The following CACNA1C variants were observed in gnomAD, a reference collection of about 807,000 sequenced individuals.
CACNA1C encodes the protein calcium voltage-gated channel subunit alpha1 C, also known as voltage-dependent L-type calcium channel subunit alpha-1C.
Under a neutral mutation model 229.0 loss-of-function variants are expected in CACNA1C, and 30 were observed. The observed-to-expected ratio is 0.13, with a 90% CI of 0.10 to 0.18. CACNA1C has a LOEUF of 0.18. Ranked by LOEUF, CACNA1C falls within the 10% of genes least tolerant of loss-of-function variation. The pLI, the probability that CACNA1C is intolerant of heterozygous loss-of-function variation, is 1.00. For missense variants in CACNA1C, 1,658 were observed against 2,845.0 expected, an observed-to-expected ratio of 0.58 and a Z score of 9.49; for synonymous variants, 1,114 against 1,132.5, an observed-to-expected ratio of 0.98 and a Z score of 0.33.
intron 11 of CACNA1C, among the ~76,000 whole-genome samples, chr12:2,563,588 C>T (rs928671948): frequency 6.6e-6 from 1 of 152,216 alleles, no homozygotes; most frequent in Admixed American, 6.5e-5. Flanking sequence ...AAAGAGTACC[C>T]TTCTTTGATT....
At position 2,692,288 on chromosome 12, in the gene CACNA1C, G is replaced by A. The variant is rs757262654; in HGVS notation, c.*1089G>A. On this transcript the variant is annotated 3_prime_UTR_variant, in exon 47 of 47. Transcript: ENST00000399655. ...TTGATGTGGTCTTGCACATGTGGGT[G>A]ATAGAGTTGGGTTCCTTTTTATGCT... is the stretch of plus-strand genomic sequence containing the variant. 4 of 149,070 alleles carry A rather than the reference G, an allele frequency of 2.7e-5. No individual in the cohort carries two copies. The highest frequency in any genetic ancestry group is 4.5e-5 in the Non-Finnish European group (3 of 67,172). 9.2% of individuals were successfully genotyped at this position (149,070 alleles called of 1,614,324 possible).
chr12:1,984,760 C>T (rs11062043), intron 1 of CACNA1C, among the ~76,000 whole-genome samples: 1 of 96,104 alleles, frequency 1.0e-5, no homozygotes, highest in African/African-American at 4.2e-5. Context: ...AGCATTTATT[C>T]TACAGTGGGT....
chr12:2,452,952 C>T (rs2099391824), intron 4 of CACNA1C, among the ~76,000 whole-genome samples: 1 of 152,180 alleles, frequency 6.6e-6, no homozygotes, highest in Non-Finnish European at 1.5e-5. Context: ...GAGAAAGAAG[C>T]CCACTCCCCC....
rs543995896 is a variant in CACNA1C, at chr12:2,098,968, C to T, written c.50-16256C>T. Among the ~76,000 whole-genome samples, 109 of 152,300 alleles carry T rather than the reference C, an allele frequency of 7.2e-4. 1 individual carries two copies. Among genetic ancestry groups the T allele is most frequent in the African/African-American group, 2.3e-3 (95 of 41,566 alleles). On this transcript the variant is annotated intron_variant, in intron 1 of 46. Coordinates refer to ENST00000399655, the MANE Select transcript of CACNA1C (RefSeq NM_000719.7). The stretch of plus-strand genomic sequence containing the variant: ...ACTTGGCACTGGTAGCACTGCTCAC[C>T]GTGTGAGGGGCGGCCGTAGAGCTAG...
At chr12:1,986,626 G>T (rs2037864466) in intron 1 of CACNA1C, among the ~76,000 whole-genome samples, 1 of 150,638 alleles carries the variant, frequency 6.6e-6, no homozygotes, top group Non-Finnish European at 1.5e-5. Context: ...GAAAGAAAAG[G>T]GGGAAGTTTT....
intron 1 of CACNA1C, among the ~76,000 whole-genome samples, chr12:2,044,736 C>A (rs2050775425): frequency 1.3e-5 from 2 of 152,122 alleles, no homozygotes; most frequent in South Asian, 4.1e-4. Context: ...TTTCAGGGAA[C>A]AAATATCCCT....
At chr12:2,237,650 A>G (rs928286282) in intron 3 of CACNA1C, among the ~76,000 whole-genome samples, 1 of 152,204 alleles carries the variant, frequency 6.6e-6, no homozygotes, top group Non-Finnish European at 1.5e-5. Flanking sequence ...GGAAGGAAGG[A>G]TGGGCCTTTC....
chr12:2,066,292 G>A lies in CACNA1C; in HGVS notation c.49+12681G>A, dbSNP rs181978197. On this transcript the variant is annotated intron_variant, in intron 1 of 46. Transcript: ENST00000399655. ...TAAGAAGGTGCTATTTGAAGCTGTG[G>A]AGGTGGAGCCATTGGGGAGAGAGAG... Among the ~76,000 whole-genome samples, 91 of 152,274 alleles carry A rather than the reference G, an allele frequency of 6.0e-4. 1 individual carries two copies. In the East Asian group the frequency reaches 0.016, roughly 27 times the overall value.
chr12:2,450,372 G>C (rs985745975), intron 4 of CACNA1C, among the ~76,000 whole-genome samples: 1 of 151,376 alleles, frequency 6.6e-6, no homozygotes, highest in Non-Finnish European at 1.5e-5. Context: ...GGCTAACACG[G>C]TGAAACCCCG....
intron 10 of CACNA1C, among the ~76,000 whole-genome samples, chr12:2,552,525 C>T (rs1332875023): frequency 6.6e-6 from 1 of 152,110 alleles, no homozygotes; most frequent in African/African-American, 2.4e-5. Context: ...TGAGAAGTCA[C>T]TGAAGGGCAT....
intron 26 of CACNA1C, chr12:2,607,341 A>G (rs1046390104): frequency 5.8e-6 from 3 of 520,214 alleles, no homozygotes; most frequent in African/African-American, 3.8e-5. Context: ...GTGTCAAGAA[A>G]CTCCCACCAA....
rs544879575 is a variant in CACNA1C, at chr12:2,163,700, C to A, written c.477+43270C>A. On this transcript the variant is annotated intron_variant, in intron 3 of 46. Coordinates refer to ENST00000399655, the MANE Select transcript of CACNA1C (RefSeq NM_000719.7). ...ATGGCTGAGTCAGGCCCTCCTCCCC[C>A]GCTCCCTGGATTTTGGATCGATTTT... is the stretch of plus-strand genomic sequence containing the variant. 7.2e-5 allele frequency among the ~76,000 whole-genome samples: 11 copies of A among 152,286 alleles called. No individual in the cohort carries two copies. In the East Asian group the frequency reaches 1.9e-3, roughly 27 times the overall value.
intron 28 of CACNA1C, among the ~76,000 whole-genome samples, chr12:2,611,558 T>G (rs2077810238): frequency 6.6e-6 from 1 of 151,880 alleles, no homozygotes; most frequent in Non-Finnish European, 1.5e-5. Context: ...GACGCATTCG[T>G]TGTCGGTAAG....
chr12:2,627,263 T>C (rs1179568477), intron 29 of CACNA1C, among the ~76,000 whole-genome samples: 1 of 152,216 alleles, frequency 6.6e-6, no homozygotes, highest in Non-Finnish European at 1.5e-5. Context: ...GCTCCAGTTA[T>C]GCCTTCTCCA....
chr12:2,085,015 A>G (rs1034222632), intron 1 of CACNA1C, among the ~76,000 whole-genome samples: 1 of 152,154 alleles, frequency 6.6e-6, no homozygotes, highest in Admixed American at 6.5e-5. Context: ...CATTTGGCAA[A>G]TTTGTCTTCA....
At chr12:2,070,795 T>G (rs2060887578) in intron 1 of CACNA1C, among the ~76,000 whole-genome samples, 1 of 152,216 alleles carries the variant, frequency 6.6e-6, no homozygotes, top group Admixed American at 6.5e-5. Flanking sequence ...CACCAGTTCT[T>G]AGTCATTATC....
intron 10 of CACNA1C, among the ~76,000 whole-genome samples, chr12:2,552,059 G>A (rs918591266): frequency 6.6e-6 from 1 of 152,192 alleles, no homozygotes; most frequent in African/African-American, 2.4e-5. Flanking sequence ...TGAATCTTGG[G>A]AAATGGACAC....
chr12:2,529,643 T>C (rs2099836185), intron 9 of CACNA1C, among the ~76,000 whole-genome samples: 2 of 152,228 alleles, frequency 1.3e-5, no homozygotes, highest in Admixed American at 6.5e-5. Context: ...CAGCAGAGGA[T>C]ATGTAATTAA....
chr12:2,502,623 A>G (rs1415033175), intron 7 of CACNA1C, among the ~76,000 whole-genome samples: 2 of 152,232 alleles, frequency 1.3e-5, no homozygotes, highest in Non-Finnish European at 2.9e-5. Context: ...ACCAAAATTT[A>G]GTAATATCAG....
Sources: allele counts gnomAD v4.1 joint callset (sites outside exome capture counted in the v4.1 genomes callset), GRCh38; gene constraint gnomAD v4.1.1; transcripts MANE v1.5; gene names NCBI Gene and HGNC (gene_info 2026-07-23, HGNC 2026-07-21).